SNTG1: variants seen among roughly 807,000 people sequenced by gnomAD.
SNTG1 encodes the protein gamma-1-syntrophin.
SNTG1 carries 39 observed loss-of-function variants against 74.7 expected under a neutral mutation model. That is an observed-to-expected ratio of 0.52 (90% confidence interval 0.40 to 0.68). The LOEUF (loss-of-function observed/expected upper bound fraction) is 0.68, where lower values mean the gene tolerates loss of function less well. Ranked by LOEUF, SNTG1 falls within the 30% of genes least tolerant of loss-of-function variation. The pLI is 0.00. For missense variants in SNTG1, 685 were observed against 609.5 expected, an observed-to-expected ratio of 1.12 and a Z score of -1.30; for synonymous variants, 254 against 217.1, an observed-to-expected ratio of 1.17 and a Z score of -1.49.
chr8:50,215,188 G>T (rs1478410492), intron 2 of SNTG1, among the ~76,000 whole-genome samples: 2 of 151,922 alleles, frequency 1.3e-5, no homozygotes, highest in African/African-American at 4.8e-5. Flanking sequence ...GAAGTCACAA[G>T]ACAAAAACAG....
chr8:50,227,858 C>A (rs1213076505), intron 2 of SNTG1, among the ~76,000 whole-genome samples: 1 of 146,440 alleles, frequency 6.8e-6, no homozygotes, highest in Admixed American at 6.9e-5. Context: ...AGGTCTATTT[C>A]ATCTTTAGTT....
intron 2 of SNTG1, among the ~76,000 whole-genome samples, chr8:50,352,346 G>A (rs914480789): frequency 3.3e-5 from 5 of 151,948 alleles, no homozygotes; most frequent in African/African-American, 1.2e-4. Flanking sequence ...AGGAAGCACA[G>A]TTATTCAAAA....
At chr8:50,395,431 T>C (rs574908470) in intron 3 of SNTG1, among the ~76,000 whole-genome samples, 1 of 152,006 alleles carries the variant, frequency 6.6e-6, no homozygotes, top group Non-Finnish European at 1.5e-5. Context: ...TTAGCACTTA[T>C]TGGTTCATAT....
At chr8:50,113,644 G>A (rs1374468088) in intron 1 of SNTG1, among the ~76,000 whole-genome samples, 1 of 152,100 alleles carries the variant, frequency 6.6e-6, no homozygotes, top group Non-Finnish European at 1.5e-5. Context: ...GTGAGAGAGG[G>A]CATCCCTGTC....
chr8:50,686,125 A>G (rs1195280218), intron 15 of SNTG1, among the ~76,000 whole-genome samples: 1 of 152,172 alleles, frequency 6.6e-6, no homozygotes, highest in African/African-American at 2.4e-5. Flanking sequence ...TGTTCAAGTC[A>G]CTTTTTCTAA....
intron 13 of SNTG1, among the ~76,000 whole-genome samples, chr8:50,632,559 C>T (rs562998647): frequency 6.6e-6 from 1 of 152,164 alleles, no homozygotes; most frequent in African/African-American, 2.4e-5. Flanking sequence ...ATCCACCCAC[C>T]TTGGCCTCCC....
chr8:50,182,956 C>T (rs2083259157), intron 2 of SNTG1, among the ~76,000 whole-genome samples: 1 of 152,120 alleles, frequency 6.6e-6, no homozygotes, highest in Admixed American at 6.5e-5. Flanking sequence ...CCCCTTTATC[C>T]TCAGAGACAC....
chr8:49,955,836 C>T lies in SNTG1; in HGVS notation c.-103+43605C>T, dbSNP rs140274684. Among the ~76,000 whole-genome samples the T allele has an allele frequency of 2.8e-4, 42 of 152,292 alleles. No individual in the cohort carries two copies. In the East Asian group the frequency reaches 8.1e-3, roughly 29 times the overall value. On this transcript the variant is annotated intron_variant, in intron 1 of 18. Coordinates refer to ENST00000642720, the MANE Select transcript of SNTG1 (RefSeq NM_018967.5). ...GCTGTGTCATCATGGAGATTAATATCATTTATAAGCTTTTCTCAGGCTTGT... is the reference window on the plus strand; with the variant it reads ...GCTGTGTCATCATGGAGATTAATATTATTTATAAGCTTTTCTCAGGCTTGT...
intron 2 of SNTG1, among the ~76,000 whole-genome samples, chr8:50,256,281 T>C (rs1236288274): frequency 1.3e-5 from 2 of 152,166 alleles, no homozygotes; most frequent in Non-Finnish European, 2.9e-5. Context: ...GCAGGTACTA[T>C]ATATTGTTTT....
At chr8:50,582,568 T>C (rs2094617567) in intron 12 of SNTG1, among the ~76,000 whole-genome samples, 1 of 152,084 alleles carries the variant, frequency 6.6e-6, no homozygotes, top group Non-Finnish European at 1.5e-5. Flanking sequence ...ACATGTACTA[T>C]GCATCTGAAA....
intron 15 of SNTG1, among the ~76,000 whole-genome samples, chr8:50,701,785 T>C (rs1450353079): frequency 7.3e-4 from 102 of 140,260 alleles, no homozygotes; most frequent in Non-Finnish European, 9.2e-4. Context: ...TCTCTTCCTC[T>C]TCCTCCTCCT....
At chr8:50,150,332 T>A (rs2082022499) in intron 1 of SNTG1, among the ~76,000 whole-genome samples, 1 of 152,220 alleles carries the variant, frequency 6.6e-6, no homozygotes, top group Non-Finnish European at 1.5e-5. Context: ...AATCATGTCA[T>A]CTGCAAACAG....
chr8:50,731,621 G>C lies in SNTG1; in HGVS notation c.1285-20380G>C, dbSNP rs139729237. Among the ~76,000 whole-genome samples, 355 of 152,096 alleles carry C rather than the reference G, an allele frequency of 2.3e-3. 2 individuals are homozygous for C. The highest frequency in any genetic ancestry group is 8.2e-3 in the African/African-American group (339 of 41,526). ...GCTTACTCAACACTCTCCTGTCTGG[G>C]TCTACCTCAGAGCCAGCTATAAGGC... On this transcript the variant is annotated intron_variant, in intron 17 of 18. Transcript: ENST00000642720.
At chr8:50,511,417 G>A (rs1489277574) in intron 9 of SNTG1, among the ~76,000 whole-genome samples, 2 of 152,190 alleles carry the variant, frequency 1.3e-5, no homozygotes, top group Non-Finnish European at 2.9e-5. Context: ...GAGTTCTGTA[G>A]ATGTCTATTA....
At chr8:50,578,540 C>T (rs1443569043) in intron 12 of SNTG1, among the ~76,000 whole-genome samples, 1 of 152,092 alleles carries the variant, frequency 6.6e-6, no homozygotes, top group Admixed American at 6.6e-5. Context: ...CGTGTGCCCA[C>T]CCATATCTCA....
At chr8:50,305,524 ATGTGTGTGTG>A (rs5891361) in intron 2 of SNTG1, among the ~76,000 whole-genome samples, 4 of 146,108 alleles carry the variant, frequency 2.7e-5, no homozygotes, top group South Asian at 4.4e-4. Flanking sequence ...GTTTGTGCTT[ATGTGTGTGTG>A]TGTGTGTGTG....
chr8:50,375,501 C>T (rs2092359604), intron 2 of SNTG1, among the ~76,000 whole-genome samples: 1 of 151,988 alleles, frequency 6.6e-6, no homozygotes, highest in Non-Finnish European at 1.5e-5. Context: ...CAATTGTGAG[C>T]ATGAGTGTGA....
chr8:50,704,479 G>A, intron 15 of SNTG1, 121 bp from the exon 16 acceptor site: 2 of 1,231,198 alleles, frequency 1.6e-6, no homozygotes, highest in Non-Finnish European at 2.4e-6. Context: ...TGAAGACTTG[G>A]TGAATTCGCA....
At chr8:50,778,490 A>C (rs1315327293) in intron 18 of SNTG1, among the ~76,000 whole-genome samples, 1 of 151,954 alleles carries the variant, frequency 6.6e-6, no homozygotes, top group Admixed American at 6.6e-5. Flanking sequence ...TTTTGGCTGC[A>C]TAAATGTCTT....
Sources: gnomAD v4.1 joint callset for allele counts (sites outside exome capture counted in the v4.1 genomes callset) on GRCh38, gnomAD v4.1.1 for gene constraint, MANE v1.5 for transcripts, NCBI Gene and HGNC (gene_info 2026-07-23, HGNC 2026-07-21) for gene names.